Variants in CDC14A observed in about 807,000 individuals in gnomAD.
CDC14A encodes dual specificity protein phosphatase CDC14A.
A neutral mutation model predicts 74.4 loss-of-function variants in CDC14A; 53 were observed. The ratio of observed to expected loss-of-function variants is 0.71; its 90% confidence interval spans 0.57 to 0.89. CDC14A has a LOEUF of 0.89. CDC14A is among the 40% of genes least tolerant of loss of function. CDC14A has a pLI of 0.00. For missense variants in CDC14A, 646 were observed against 713.7 expected, an observed-to-expected ratio of 0.91 and a Z score of 1.08; for synonymous variants, 247 against 258.4, an observed-to-expected ratio of 0.96 and a Z score of 0.43.
At chr1:100,392,751 T>C (rs1025009255) in intron 4 of CDC14A, among the ~76,000 whole-genome samples, 1 of 152,240 alleles carries the variant, frequency 6.6e-6, no homozygotes, top group African/African-American at 2.4e-5. Flanking sequence ...ATGGCCCACA[T>C]GGCTCAAAAT....
chr1:100,496,154 G>C (rs1285164109), intron 13 of CDC14A, 105 bp downstream of exon 13: 1 of 878,878 alleles, frequency 1.1e-6, no homozygotes, highest in African/African-American at 1.7e-5. Context: ...ACAGCTTTTT[G>C]CTTTTTAAAT....
At chr1:100,485,501 T>C in intron 11 of CDC14A, 1 of 167,574 alleles carries the variant, frequency 6.0e-6, no homozygotes, top group Non-Finnish European at 1.2e-5. Context: ...TGGTCGAAGC[T>C]GTAGTGAGCT....
intron 4 of CDC14A, among the ~76,000 whole-genome samples, chr1:100,409,430 T>G (rs965429988): frequency 1.3e-5 from 2 of 152,194 alleles, no homozygotes; most frequent in African/African-American, 4.8e-5. Context: ...TTAACTCATT[T>G]CAGCATTAAC....
rs1033522110 is a variant in CDC14A, at chr1:100,440,923, A to G, written c.456+925A>G. 3.3e-5 allele frequency among the ~76,000 whole-genome samples: 5 copies of G among 152,334 alleles called. No homozygotes were observed. The South Asian group carries it at 6.2e-4, about 19-fold the overall frequency. ...TCTTTTTCTTTCTACTTAAACAACTACAGAGATACTCTAGCCCACTCTTGC... is the reference window on the plus strand; with the variant it reads ...TCTTTTTCTTTCTACTTAAACAACTGCAGAGATACTCTAGCCCACTCTTGC... On this transcript the variant is annotated intron_variant, in intron 6 of 15. Transcript: ENST00000336454.
At position 100,353,360 on chromosome 1, in the gene CDC14A, A is replaced by G. The variant is rs901963749; in HGVS notation, c.49+357A>G. ...CGGTTTTCGGGACACCCCCAACCAC[A>G]CCCCCCAAGTCTCTCTCCCTTCCTC... is the stretch of plus-strand genomic sequence containing the variant. On this transcript the variant is annotated intron_variant, in intron 1 of 15. Coordinates refer to ENST00000336454, the MANE Select transcript of CDC14A (RefSeq NM_003672.4). 1.7e-4 allele frequency among the ~76,000 whole-genome samples: 26 copies of G among 150,200 alleles called. 2 individuals are homozygous for G. Among genetic ancestry groups the G allele is most frequent in the African/African-American group, 6.1e-4 (25 of 40,690 alleles).
In CDC14A at chr1:100,424,268, T is replaced by C. The variant is rs781016352; in HGVS notation, c.356T>C (p.Leu119Pro). The C allele has an allele frequency of 6.2e-7, 1 of 1,613,606 alleles. No individual in the cohort carries two copies. The highest frequency in any genetic ancestry group is 1.1e-5 in the South Asian group (1 of 91,076). ...KTPEEAYRALLSGSNPPYLPF... is the reference protein window; with the variant it reads ...KTPEEAYRALPSGSNPPYLPF... ...CCAGAAGAAGCCTACAGAGCACTCC[T>C]GTCTGGCTCAAACCCCCCCTATCTT... is the stretch of plus-strand genomic sequence containing the variant. The change falls in exon 5 of 16, where the codon CTG becomes CCG. Residue 119 changes from leucine to proline, a missense_variant. By Grantham distance (98) the Leu-to-Pro change is moderately conservative (BLOSUM62 -3). Transcript: ENST00000336454.
intron 2 of CDC14A, among the ~76,000 whole-genome samples, chr1:100,374,099 C>A (rs1012077735): frequency 3.2e-4 from 49 of 152,252 alleles, no homozygotes; most frequent in Non-Finnish European, 6.8e-4. Flanking sequence ...ATGATGATTT[C>A]CAATTTCATC....
At chr1:100,397,991 G>T (rs778674183) in intron 4 of CDC14A, among the ~76,000 whole-genome samples, 12 of 152,226 alleles carry the variant, frequency 7.9e-5, no homozygotes, top group Non-Finnish European at 1.6e-4. Flanking sequence ...TTGGCTTAGT[G>T]GTTGTGAGCA....
At chr1:100,514,652 T>G (rs1039144248) in intron 15 of CDC14A, among the ~76,000 whole-genome samples, 1 of 152,222 alleles carries the variant, frequency 6.6e-6, no homozygotes, top group Admixed American at 6.5e-5. Flanking sequence ...GAATTGGGGC[T>G]AATTACTGCT....
At chr1:100,394,053 C>T (rs528305562) in intron 4 of CDC14A, 15 of 237,180 alleles carry the variant, frequency 6.3e-5, no homozygotes, top group Admixed American at 5.5e-4. Context: ...TTGCCCTACT[C>T]TTCTCATTTC....
rs1396561475 is a variant in CDC14A, at chr1:100,498,992, A to G, written c.1485A>G (p.Pro495=). The G allele has an allele frequency of 6.2e-7, 1 of 1,614,218 alleles. No homozygotes were observed. The highest frequency in any genetic ancestry group is 8.5e-7 in the Non-Finnish European group (1 of 1,180,026). The change falls in exon 15 of 16, where the codon CCA becomes CCG. Residue 495 remains proline (P), a synonymous_variant. Transcript: ENST00000336454. ...ACTTGAATGCTGCAACAGATGATCC[A>G]GAGAACAAAAAGACCTCCTCATCCT... is the stretch of plus-strand genomic sequence containing the variant. ...LGNLNAATDD[P]ENKKTSSSSK... is the part of the protein sequence containing the mutation.
At chr1:100,373,535 C>T (rs150204207) in intron 2 of CDC14A, among the ~76,000 whole-genome samples, 34 of 152,260 alleles carry the variant, frequency 2.2e-4, no homozygotes, top group African/African-American at 6.5e-4. Flanking sequence ...AGGGTTGCCA[C>T]GGTTCTTCAA....
chr1:100,397,214 C>A (rs1035594063), intron 4 of CDC14A, among the ~76,000 whole-genome samples: 2 of 152,066 alleles, frequency 1.3e-5, no homozygotes, highest in Admixed American at 6.5e-5. Flanking sequence ...GCACTGGAGA[C>A]CACAGTGACA....
At position 100,360,095 on chromosome 1, in the gene CDC14A, ACCACAC is replaced by A. The variant is rs1202373000; in HGVS notation, c.140+6247_140+6252del. Among the ~76,000 whole-genome samples, 19 of 144,722 alleles carry A rather than the reference ACCACAC, an allele frequency of 1.3e-4. No individual in the cohort carries two copies. The Admixed American group carries it at 1.3e-3, about 10-fold the overall frequency. The allele number at this position is 144,722 out of a possible 152,430, so 94.9% of individuals were successfully genotyped here. On this transcript the variant is annotated intron_variant, in intron 2 of 15. Transcript: ENST00000336454. Reference sequence around the variant, plus strand: ...GTAGCTGGGATTACAGGCGCGCACCACCACACCCAGCTATTTTTTTTTTTTTTTTTT... The same window carrying A: ...GTAGCTGGGATTACAGGCGCGCACCACCAGCTATTTTTTTTTTTTTTTTTT...
chr1:100,451,650 A>G (rs12409925), intron 7 of CDC14A, among the ~76,000 whole-genome samples: 1 of 152,236 alleles, frequency 6.6e-6, no homozygotes, highest in Non-Finnish European at 1.5e-5. Flanking sequence ...CTGTGGTTCT[A>G]CCTTATTAAA....
intron 4 of CDC14A, among the ~76,000 whole-genome samples, chr1:100,396,266 G>A (rs1419792176): frequency 6.6e-6 from 1 of 152,196 alleles, no homozygotes; most frequent in Non-Finnish European, 1.5e-5. Context: ...TGGGTCCCAA[G>A]GAAGAGACTA....
upstream of CDC14A, among the ~76,000 whole-genome samples, chr1:100,352,185 A>T (rs1464957673): frequency 6.6e-6 from 1 of 151,822 alleles, no homozygotes; most frequent in Admixed American, 6.6e-5. Flanking sequence ...GGCGATGTCC[A>T]CTCTCAACCC....
chr1:100,394,489 T>C (rs1044480242), intron 4 of CDC14A, among the ~76,000 whole-genome samples: 1 of 152,192 alleles, frequency 6.6e-6, no homozygotes, highest in Non-Finnish European at 1.5e-5. Flanking sequence ...AGGGTGCCTC[T>C]AGAACTTTGA....
At chr1:100,476,483 A>C (rs373509915) in intron 10 of CDC14A, among the ~76,000 whole-genome samples, 56 of 152,210 alleles carry the variant, frequency 3.7e-4, no homozygotes, top group African/African-American at 1.3e-3. Context: ...TTTGAATCAT[A>C]TCTTCTTCAG....
Sources: allele counts gnomAD v4.1 joint callset (sites outside exome capture counted in the v4.1 genomes callset), GRCh38; gene constraint gnomAD v4.1.1; transcripts MANE v1.5; gene names NCBI Gene and HGNC (gene_info 2026-07-23, HGNC 2026-07-21).